Variants in ADGRL2 observed in about 807,000 individuals in gnomAD.
The protein encoded by ADGRL2 is adhesion G protein-coupled receptor L2.
Under a neutral mutation model 157.4 loss-of-function variants are expected in ADGRL2, and 44 were observed. That is an observed-to-expected ratio of 0.28 (90% CI 0.22 to 0.36). ADGRL2 has a LOEUF of 0.36. Among genes scored for constraint, ADGRL2 ranks in the 10% least tolerant of loss-of-function variants. The pLI is 1.00. For synonymous variants in ADGRL2, 585 were observed against 624.7 expected (o/e 0.94, Z 0.95); for missense variants, 1,510 against 1,768.9 (o/e 0.85, Z 2.63).
intron 2 of ADGRL2, among the ~76,000 whole-genome samples, chr1:81,460,186 T>G (rs1048644216): frequency 6.6e-6 from 1 of 152,056 alleles, no homozygotes; most frequent in Admixed American, 6.5e-5. Context: ...CCCATGCAGA[T>G]GCTTTTTAGT....
At position 81,724,284 on chromosome 1, in the gene ADGRL2, T is replaced by A. The variant is rs554516791; in HGVS notation, c.-143+24476T>A. Reference sequence around the variant, plus strand: ...TGGAAAGAGGGATTCCCTTTGTTGTTTGGTCTTCTACTTAGAAAATACCTA... The same window carrying A: ...TGGAAAGAGGGATTCCCTTTGTTGTATGGTCTTCTACTTAGAAAATACCTA... On this transcript the variant is annotated intron_variant, in intron 1 of 20. Coordinates refer to the ADGRL2 transcript ENST00000359929. 2.4e-3 allele frequency among the ~76,000 whole-genome samples: 369 copies of A among 152,304 alleles called. 1 individual carries two copies. Among genetic ancestry groups the A allele is most frequent in the African/African-American group, 8.5e-3 (352 of 41,572 alleles).
chr1:81,715,087 T>C (rs2084065770), intron 1 of ADGRL2, among the ~76,000 whole-genome samples: 1 of 152,002 alleles, frequency 6.6e-6, no homozygotes, highest in South Asian at 2.1e-4. Context: ...ACTTAAGCTG[T>C]TTGTGACATT....
chr1:81,632,450 T>G (rs1419706883), intron 3 of ADGRL2, among the ~76,000 whole-genome samples: 3 of 151,662 alleles, frequency 2.0e-5, no homozygotes, highest in African/African-American at 7.3e-5. Context: ...CAGCTTGGAG[T>G]GTTTAGGGTA....
chr1:81,918,787 G>A (rs2094916509), intron 3 of ADGRL2, among the ~76,000 whole-genome samples: 1 of 152,094 alleles, frequency 6.6e-6, no homozygotes, highest in South Asian at 2.1e-4. Context: ...AAATATTGAA[G>A]TATTAGAAAG....
intron 1 of ADGRL2, among the ~76,000 whole-genome samples, chr1:81,341,428 T>A (rs192706851): frequency 9.4e-5 from 14 of 149,444 alleles, no homozygotes; most frequent in Non-Finnish European, 1.3e-4. Context: ...TAGGGCTATT[T>A]ACCTTTCAGA....
rs117878277 is a variant in ADGRL2 at position 81,816,889 on chromosome 1, T to C, written c.-101+15821T>C. On this transcript the variant is annotated intron_variant, in intron 1 of 23. Coordinates refer to ENST00000686636, the MANE Select transcript of ADGRL2 (RefSeq NM_001366006.2). ...AGTATTCAGTATTGCCAAGCACTTA[T>C]TAAAGCTTCAACATTTTCTTCCTTT... 1.1e-3 allele frequency among the ~76,000 whole-genome samples: 163 copies of C among 152,080 alleles called. 2 individuals are homozygous for C. The East Asian group carries it at 0.027, about 25-fold the overall frequency.
chr1:81,850,264 A>G (rs1400555220), intron 2 of ADGRL2, among the ~76,000 whole-genome samples: 1 of 151,634 alleles, frequency 6.6e-6, no homozygotes, highest in African/African-American at 2.4e-5. Context: ...AGAGGCAGCA[A>G]CTCTGTTCTA....
chr1:81,491,267 G>A (rs114006058), intron 2 of ADGRL2, among the ~76,000 whole-genome samples: 39 of 152,314 alleles, frequency 2.6e-4, no homozygotes, highest in Non-Finnish European at 5.1e-4. Flanking sequence ...TGTGATATCT[G>A]TTGGAATTTT....
intron 6 of ADGRL2, among the ~76,000 whole-genome samples, chr1:81,948,842 G>T (rs1225012903): frequency 1.3e-5 from 2 of 152,054 alleles, no homozygotes; most frequent in South Asian, 2.1e-4. Flanking sequence ...GGGGGGGAAA[G>T]GAATAAAACG....
chr1:81,982,292 T>G (rs1414503780), intron 19 of ADGRL2, among the ~76,000 whole-genome samples: 2 of 152,008 alleles, frequency 1.3e-5, no homozygotes, highest in Non-Finnish European at 1.5e-5. Context: ...ATAAAACTCA[T>G]TCTTTGCTCA....
intron 3 of ADGRL2, among the ~76,000 whole-genome samples, chr1:81,659,462 T>A (rs1368078998): frequency 6.6e-6 from 1 of 152,168 alleles, no homozygotes; most frequent in East Asian, 1.9e-4. Flanking sequence ...GGGGAACCAC[T>A]CTGCAAGAAA....
chr1:81,754,535 CTT>C (rs1314507281), intron 1 of ADGRL2, among the ~76,000 whole-genome samples: 1 of 129,324 alleles, frequency 7.7e-6, no homozygotes, highest in Non-Finnish European at 1.6e-5. Flanking sequence ...CTTTCTCTTT[CTT>C]TCTTTCCTTC....
chr1:81,586,542 T>G (rs2081030384), intron 3 of ADGRL2, among the ~76,000 whole-genome samples: 2 of 152,086 alleles, frequency 1.3e-5, no homozygotes, highest in Admixed American at 1.3e-4. Context: ...ATACTGGGTT[T>G]GAAAAAATAT....
intron 2 of ADGRL2, among the ~76,000 whole-genome samples, chr1:81,461,272 T>C (rs1461941388): frequency 6.7e-6 from 1 of 149,838 alleles, no homozygotes; most frequent in African/African-American, 2.5e-5. Flanking sequence ...TCTTTTTTTC[T>C]TTTCTTTTCT....
At chr1:81,645,308 G>T (rs1019958344) in intron 3 of ADGRL2, among the ~76,000 whole-genome samples, 1 of 146,778 alleles carries the variant, frequency 6.8e-6, no homozygotes, top group East Asian at 2.1e-4. Flanking sequence ...AGGAGGATCA[G>T]TTGAGGCCAG....
chr1:81,525,408 C>T (rs1328678723), intron 2 of ADGRL2, among the ~76,000 whole-genome samples: 2 of 152,096 alleles, frequency 1.3e-5, no homozygotes, highest in Non-Finnish European at 2.9e-5. Context: ...ACCTCCGCCT[C>T]CTGGGTTCAA....
At chr1:81,635,680 G>C (rs1193497156) in intron 3 of ADGRL2, among the ~76,000 whole-genome samples, 1 of 151,950 alleles carries the variant, frequency 6.6e-6, no homozygotes, top group Non-Finnish European at 1.5e-5. Flanking sequence ...CATTAATGAG[G>C]GCTCTTGTGA....
chr1:81,650,401 C>G (rs1051538402), intron 3 of ADGRL2, among the ~76,000 whole-genome samples: 2 of 151,738 alleles, frequency 1.3e-5, no homozygotes, highest in African/African-American at 2.4e-5. Flanking sequence ...AAAAAAAACC[C>G]CATCTCTACT....
At chr1:81,896,052 T>C (rs2094381782) in intron 2 of ADGRL2, among the ~76,000 whole-genome samples, 1 of 152,108 alleles carries the variant, frequency 6.6e-6, no homozygotes, top group African/African-American at 2.4e-5. Flanking sequence ...ATTAATGAAA[T>C]TTCTAATAAC....
Sources: allele counts gnomAD v4.1 joint callset (sites outside exome capture counted in the v4.1 genomes callset), GRCh38; gene constraint gnomAD v4.1.1; transcripts MANE v1.5; gene names NCBI Gene and HGNC (gene_info 2026-07-23, HGNC 2026-07-21).